The following HPSE2 variants were observed in gnomAD, a reference collection of about 807,000 sequenced individuals.
The protein encoded by HPSE2 is inactive heparanase-2.
In HPSE2, 38 loss-of-function variants were observed where a neutral mutation model predicts 60.5. The observed-to-expected ratio is 0.63, with a 90% CI of 0.48 to 0.82. HPSE2 has a LOEUF of 0.82. Ranked by LOEUF, HPSE2 falls within the 40% of genes least tolerant of loss-of-function variation. The probability of loss-of-function intolerance (pLI) is 0.00; values close to 1 mark genes in which losing one functional copy is unlikely to be tolerated. For missense variants in HPSE2, 713 were observed against 740.4 expected, an observed-to-expected ratio of 0.96 and a Z score of 0.43; for synonymous variants, 295 against 293.2, an observed-to-expected ratio of 1.01 and a Z score of -0.06.
chr10:99,004,933 G>A (rs1334583003), intron 3 of HPSE2, among the ~76,000 whole-genome samples: 1 of 151,934 alleles, frequency 6.6e-6, no homozygotes, highest in Non-Finnish European at 1.5e-5. Context: ...TGGTTGGCAG[G>A]GTTTCTTTTT....
At chr10:98,639,967 A>G (rs139014816) in intron 7 of HPSE2, among the ~76,000 whole-genome samples, 23 of 152,346 alleles carry the variant, frequency 1.5e-4, no homozygotes, top group East Asian at 3.9e-4. Context: ...GTTTCTAAAT[A>G]TACTAAGCAC....
chr10:99,099,348 C>G (rs930790652), intron 3 of HPSE2, among the ~76,000 whole-genome samples: 1 of 152,206 alleles, frequency 6.6e-6, no homozygotes, highest in Non-Finnish European at 1.5e-5. Context: ...AGATTATATC[C>G]CGCACATGGC....
At chr10:98,660,494 C>A (rs1444264054) in intron 6 of HPSE2, among the ~76,000 whole-genome samples, 2 of 152,110 alleles carry the variant, frequency 1.3e-5, no homozygotes, top group Admixed American at 6.6e-5. Context: ...TAAAATTAGC[C>A]ACTATTAAAA....
At chr10:99,152,093 C>G (rs984856070) in intron 2 of HPSE2, among the ~76,000 whole-genome samples, 1 of 151,772 alleles carries the variant, frequency 6.6e-6, no homozygotes, top group Non-Finnish European at 1.5e-5. Context: ...GGGCAGATCA[C>G]GAGGTCAGGA....
intron 9 of HPSE2, among the ~76,000 whole-genome samples, chr10:98,590,728 G>A (rs886757727): frequency 4.6e-5 from 7 of 152,166 alleles, no homozygotes; most frequent in African/African-American, 1.4e-4. Flanking sequence ...TGAAATTTAT[G>A]ATAAAGTAGC....
intron 2 of HPSE2, among the ~76,000 whole-genome samples, chr10:99,203,104 G>A (rs958494626): frequency 3.9e-5 from 6 of 152,094 alleles, no homozygotes; most frequent in African/African-American, 1.4e-4. Context: ...AGCAGATTCA[G>A]TCTCCAGGCC....
intron 2 of HPSE2, among the ~76,000 whole-genome samples, chr10:99,230,428 C>T (rs1849605000): frequency 6.6e-6 from 1 of 152,080 alleles, no homozygotes; most frequent in Non-Finnish European, 1.5e-5. Flanking sequence ...ATATTTAATG[C>T]CAGGTTGGAC....
At chr10:98,733,184 G>A (rs1032980214) in intron 4 of HPSE2, among the ~76,000 whole-genome samples, 14 of 152,006 alleles carry the variant, frequency 9.2e-5, no homozygotes, top group African/African-American at 2.7e-4. Flanking sequence ...GCAGTGGTGC[G>A]ACCTTGGCTC....
intron 2 of HPSE2, among the ~76,000 whole-genome samples, chr10:99,169,192 C>CAAAAA (rs751491579): frequency 3.0e-4 from 15 of 50,476 alleles, no homozygotes; most frequent in Non-Finnish European, 3.7e-4. Context: ...GACTCCGTCT[C>CAAAAA]AAAAAAAAAA....
At chr10:98,505,376 G>A (rs1942167154) in intron 9 of HPSE2, among the ~76,000 whole-genome samples, 1 of 152,150 alleles carries the variant, frequency 6.6e-6, no homozygotes, top group African/African-American at 2.4e-5. Context: ...TAAGAAGCTC[G>A]TTCTAGAGTA....
chr10:99,263,871 A>C, the HPSE2 span, among the ~76,000 whole-genome samples: 1 of 152,094 alleles, frequency 6.6e-6, no homozygotes, highest in Admixed American at 6.5e-5. Flanking sequence ...ATCCATCCCC[A>C]GTCCACCACT....
chr10:98,823,328 T>C (rs1052108508), intron 3 of HPSE2, among the ~76,000 whole-genome samples: 5 of 152,148 alleles, frequency 3.3e-5, no homozygotes, highest in African/African-American at 4.8e-5. Flanking sequence ...ACTATAAAGA[T>C]AAATAATGCA....
chr10:98,855,878 G>A (rs1952302218), intron 3 of HPSE2, among the ~76,000 whole-genome samples: 1 of 152,010 alleles, frequency 6.6e-6, no homozygotes, highest in Non-Finnish European at 1.5e-5. Flanking sequence ...CACAAGGAAT[G>A]CCTGAAGCTG....
intron 11 of HPSE2, 83 bp from the exon 12 acceptor site, chr10:98,459,822 G>T: frequency 1.5e-6 from 2 of 1,319,388 alleles, no homozygotes; most frequent in Non-Finnish European, 2.1e-6. Flanking sequence ...AGATGGCCTG[G>T]CAGTGTCTGA....
rs117575518 is a variant in HPSE2 at position 98,757,664 on chromosome 10, G to A, written c.611-13608C>T. On this transcript the variant is annotated intron_variant, in intron 3 of 11. Transcript: ENST00000370552. ...ATCTCTACACCAAAAATTATGAAAC[G>A]CTGCTGAGAGAAATTAGAGACAACA... 1.4e-3 allele frequency among the ~76,000 whole-genome samples: 206 copies of A among 151,962 alleles called. 1 individual carries two copies. Among genetic ancestry groups the A allele is most frequent in the Non-Finnish European group, 2.3e-3 (155 of 67,900 alleles).
At chr10:99,267,055 C>A in the HPSE2 span, among the ~76,000 whole-genome samples, 5 of 152,052 alleles carry the variant, frequency 3.3e-5, no homozygotes, top group Non-Finnish European at 7.4e-5. Context: ...TGAAAAGGAA[C>A]CAGAATAACA....
chr10:98,620,741 G>A (rs771169531), intron 7 of HPSE2, 33 bp from the exon 8 acceptor site: 4 of 1,455,458 alleles, frequency 2.7e-6, no homozygotes, highest in Non-Finnish European at 3.8e-6. Context: ...AGGGGATAAC[G>A]AGGTTTTAAA....
chr10:98,781,302 T>A lies in HPSE2; in HGVS notation c.611-37246A>T, dbSNP rs995357463. ...ATATCCACTTCTTTTTTTTTTTTTTTTTTTATTTTTAAATTTGGTATTGGA... is the reference window on the plus strand; with the variant it reads ...ATATCCACTTCTTTTTTTTTTTTTTATTTTATTTTTAAATTTGGTATTGGA... On this transcript the variant is annotated intron_variant, in intron 3 of 11. Transcript: ENST00000370552. Among the ~76,000 whole-genome samples, 23 of 128,994 alleles carry A rather than the reference T, an allele frequency of 1.8e-4. No individual in the cohort carries two copies. In the Admixed American group the frequency reaches 1.8e-3, roughly 10 times the overall value. 84.6% of individuals were successfully genotyped at this position (128,994 alleles called of 152,430 possible).
chr10:98,551,857 G>A (rs1419433530), intron 9 of HPSE2, among the ~76,000 whole-genome samples: 1 of 152,008 alleles, frequency 6.6e-6, no homozygotes, highest in Non-Finnish European at 1.5e-5. Flanking sequence ...CATCATCTAA[G>A]GTGCTTGTTA....
Sources: gnomAD v4.1 joint callset for allele counts (sites outside exome capture counted in the v4.1 genomes callset) on GRCh38, gnomAD v4.1.1 for gene constraint, MANE v1.5 for transcripts, NCBI Gene and HGNC (gene_info 2026-07-23, HGNC 2026-07-21) for gene names.